SYNE1: variants seen among roughly 807,000 people sequenced by gnomAD.
SYNE1 encodes spectrin repeat containing nuclear envelope protein 1, also known as nesprin-1.
In SYNE1, 616 loss-of-function variants were observed where a neutral mutation model predicts 1,111.0. The observed-to-expected ratio is 0.55, with a 90% CI of 0.52 to 0.59. The LOEUF is 0.59. Ranked by LOEUF, SYNE1 falls within the 20% of genes least tolerant of loss-of-function variation. The pLI is 0.00. For missense variants in SYNE1, 10,006 were observed against 10,417.0 expected (o/e 0.96, Z 1.72); for synonymous variants, 3,855 against 3,825.8 (o/e 1.01, Z -0.28).
At chr6:152,411,592 T>C (rs2098043851) in intron 42 of SYNE1, among the ~76,000 whole-genome samples, 1 of 152,158 alleles carries the variant, frequency 6.6e-6, no homozygotes. Context: ...GCAAATAACT[T>C]AACAAAATAT....
At chr6:152,370,670 G>C (rs895466228) in intron 59 of SYNE1, among the ~76,000 whole-genome samples, 1 of 152,140 alleles carries the variant, frequency 6.6e-6, no homozygotes, top group African/African-American at 2.4e-5. Flanking sequence ...ATGTGAATTT[G>C]TTATTTATGT....
Position 152,367,244 on chromosome 6 carries a change from G to A in SYNE1, c.9946C>T (p.Leu3316=), listed in dbSNP as rs1259852921. The A allele has an allele frequency of 6.2e-7, 1 of 1,614,206 alleles. No individual in the cohort carries two copies. The highest frequency in any genetic ancestry group is 1.7e-5 in the Admixed American group (1 of 60,028). The change falls in exon 62 of 146, where the codon CTG becomes TTG. Residue 3316 remains leucine (L), a synonymous_variant. Transcript: ENST00000367255. ...TCGAGCTTGAGCGTCCTGCTGTCCAGCACACTTTTGTCGGATGTCGGGTGG... is the reference window on the plus strand; with the variant it reads ...TCGAGCTTGAGCGTCCTGCTGTCCAACACACTTTTGTCGGATGTCGGGTGG... ...YCHPTSDKSV[L]DSRTLKLEAL...
Position 152,617,095 on chromosome 6 carries a change from A to C in SYNE1, c.67+11170T>G, listed in dbSNP as rs142054866. Among the ~76,000 whole-genome samples the C allele has an allele frequency of 4.3e-3, 650 of 152,290 alleles. 14 individuals carry two copies. The highest frequency in any genetic ancestry group is 0.037 in the Admixed American group (571 of 15,300). On this transcript the variant is annotated intron_variant, in intron 3 of 145. Transcript: ENST00000367255. ...GGAGACTGAAGTCCCTCAAATATCTACTTAGGAACTCGGTTTGCCACTTAA... is the reference window on the plus strand; with the variant it reads ...GGAGACTGAAGTCCCTCAAATATCTCCTTAGGAACTCGGTTTGCCACTTAA...
At chr6:152,323,344 C>T in intron 82 of SYNE1, 134 bp downstream of exon 82, 3 of 1,347,062 alleles carry the variant, frequency 2.2e-6, no homozygotes, top group Non-Finnish European at 3.0e-6. Flanking sequence ...GAGGCTGAGG[C>T]AGGAGAATGG....
chr6:152,330,759 A>G lies in SYNE1; in HGVS notation c.13926T>C (p.Ser4642=), dbSNP rs575717406. The G allele has an allele frequency of 6.2e-7, 1 of 1,613,980 alleles. No individual in the cohort carries two copies. The highest frequency in any genetic ancestry group is 1.3e-5 in the African/African-American group (1 of 75,030). ...SLNEVDHSYL[S]EKLNALPRQF... is the part of the protein sequence containing the mutation. ...GTCGAGGCAAAGCATTTAGCTTTTC[A>G]CTGAGGTAGGAATGATCGACTTCAT... Residue 4642 remains serine, a synonymous_variant, in exon 78 of 146, where the codon AGT becomes AGC. Coordinates refer to ENST00000367255, the MANE Select transcript of SYNE1 (RefSeq NM_182961.4).
chr6:152,282,094 C>CT, intron 96 of SYNE1, 114 bp from the exon 97 acceptor site: 2 of 1,150,980 alleles, frequency 1.7e-6, no homozygotes, highest in Non-Finnish European at 2.5e-6. Context: ...ACTGGTAAAA[C>CT]TTTTAAAAAT....
intron 11 of SYNE1, among the ~76,000 whole-genome samples, chr6:152,489,274 G>A (rs188464349): frequency 6.7e-4 from 102 of 151,878 alleles, no homozygotes; most frequent in Non-Finnish European, 1.3e-3. Context: ...ATGATTTTTC[G>A]GCATTTACAA....
At chr6:152,506,522 CATT>C (rs909341079) in intron 8 of SYNE1, among the ~76,000 whole-genome samples, 5 of 151,332 alleles carry the variant, frequency 3.3e-5, no homozygotes, top group African/African-American at 9.7e-5. Flanking sequence ...TGTAAGTGTC[CATT>C]ATTATTATTA....
At chr6:152,154,021 C>T (rs2060902622) in intron 133 of SYNE1, among the ~76,000 whole-genome samples, 1 of 152,160 alleles carries the variant, frequency 6.6e-6, no homozygotes, top group South Asian at 2.1e-4. Flanking sequence ...TTCTAAACAT[C>T]TCGAGGAACT....
At chr6:152,317,126 A>T in intron 86 of SYNE1, 140 bp from the exon 87 acceptor site, 1 of 998,464 alleles carries the variant, frequency 1.0e-6, no homozygotes, top group South Asian at 1.5e-5. Flanking sequence ...GTATCAAAAG[A>T]TCGTTTCCCT....
rs1554410174 is a variant in SYNE1 at position 152,310,380 on chromosome 6, A to G, written c.17019+16T>C. 2.5e-6 allele frequency: 4 copies of G among 1,614,008 alleles called. No homozygotes were observed. Among genetic ancestry groups the G allele is most frequent in the Non-Finnish European group, 3.4e-6 (4 of 1,180,014 alleles). On this transcript the variant is annotated intron_variant, in intron 89 of 145. Transcript: ENST00000367255. Reference sequence around the variant, plus strand: ...TAGGTCCCTGTCCCTATTTACTCCAAGTTAGTTTGGCTTACCTGCCGATGA... The same window carrying G: ...TAGGTCCCTGTCCCTATTTACTCCAGGTTAGTTTGGCTTACCTGCCGATGA...
At chr6:152,557,478 A>C (rs1241316459) in intron 3 of SYNE1, among the ~76,000 whole-genome samples, 1 of 152,166 alleles carries the variant, frequency 6.6e-6, no homozygotes. Context: ...AAGAGCCCTA[A>C]AAAGATTAAA....
At chr6:152,593,446 G>A (rs1302689257) in intron 3 of SYNE1, among the ~76,000 whole-genome samples, 1 of 152,082 alleles carries the variant, frequency 6.6e-6, no homozygotes, top group Non-Finnish European at 1.5e-5. Context: ...TTAGGGTGTG[G>A]TGACGGGTGC....
intron 6 of SYNE1, among the ~76,000 whole-genome samples, chr6:152,520,154 C>T (rs2099131769): frequency 6.6e-6 from 1 of 152,142 alleles, no homozygotes; most frequent in Non-Finnish European, 1.5e-5. Context: ...CATTGATGAA[C>T]TTGGACTAAT....
At chr6:152,620,431 C>CAG (rs1448658325) in intron 3 of SYNE1, among the ~76,000 whole-genome samples, 1 of 152,202 alleles carries the variant, frequency 6.6e-6, no homozygotes, top group Non-Finnish European at 1.5e-5. Flanking sequence ...TTGATCTCTA[C>CAG]AGTTACATAC....
intron 93 of SYNE1, among the ~76,000 whole-genome samples, chr6:152,297,691 TTAGA>T (rs2094945733): frequency 6.6e-6 from 1 of 152,158 alleles, no homozygotes; most frequent in Non-Finnish European, 1.5e-5. Context: ...ACATTTTACA[TTAGA>T]TACTCTATTA....
At chr6:152,382,131 G>A (rs1045416387) in intron 55 of SYNE1, among the ~76,000 whole-genome samples, 14 of 152,166 alleles carry the variant, frequency 9.2e-5, no homozygotes, top group African/African-American at 3.1e-4. Flanking sequence ...TGATATAATT[G>A]CAGCATTTCT....
At chr6:152,364,148 A>G (rs1235139634) in intron 63 of SYNE1, among the ~76,000 whole-genome samples, 1 of 152,140 alleles carries the variant, frequency 6.6e-6, no homozygotes, top group Non-Finnish European at 1.5e-5. Flanking sequence ...CCTTTTGCTC[A>G]GCACTTGTCT....
intron 110 of SYNE1, among the ~76,000 whole-genome samples, chr6:152,235,483 T>C (rs1329669845): frequency 1.3e-5 from 2 of 152,098 alleles, no homozygotes; most frequent in African/African-American, 4.8e-5. Context: ...TGCCTCAGCC[T>C]CCTGAGCAGC....
Sources: gnomAD v4.1 joint callset for allele counts (sites outside exome capture counted in the v4.1 genomes callset) on GRCh38, gnomAD v4.1.1 for gene constraint, MANE v1.5 for transcripts, NCBI Gene and HGNC (gene_info 2026-07-23, HGNC 2026-07-21) for gene names.